The following CNTNAP2 variants were observed in gnomAD, a reference collection of about 807,000 sequenced individuals.
CNTNAP2 encodes the protein contactin associated protein 2.
A neutral mutation model predicts 155.2 loss-of-function variants in CNTNAP2; 98 were observed. The ratio of observed to expected loss-of-function variants is 0.63; its 90% CI spans 0.54 to 0.75. The LOEUF is 0.75. CNTNAP2 is among the 30% of genes least tolerant of loss of function. The pLI is 0.00. For missense variants in CNTNAP2, 1,727 were observed against 1,688.1 expected, an observed-to-expected ratio of 1.02 and a Z score of -0.40; for synonymous variants, 651 against 631.2, an observed-to-expected ratio of 1.03 and a Z score of -0.47.
chr7:146,366,353 A>G (rs1265639598), intron 1 of CNTNAP2, among the ~76,000 whole-genome samples: 1 of 152,162 alleles, frequency 6.6e-6, no homozygotes, highest in African/African-American at 2.4e-5. Context: ...ACATTTTTCT[A>G]ATCAAGTATA....
intron 1 of CNTNAP2, among the ~76,000 whole-genome samples, chr7:146,653,566 G>A (rs1205848944): frequency 2.0e-5 from 3 of 152,186 alleles, no homozygotes; most frequent in South Asian, 2.1e-4. Flanking sequence ...TTTTGGAAAA[G>A]GAATGTTACA....
At chr7:148,339,656 C>T (rs1468047755) in intron 21 of CNTNAP2, 1 of 152,294 alleles carries the variant, frequency 6.6e-6, no homozygotes, top group Non-Finnish European at 1.5e-5. Flanking sequence ...CGCGGGCTGG[C>T]TCCCACATGG....
intron 4 of CNTNAP2, among the ~76,000 whole-genome samples, chr7:147,084,836 T>C (rs1387118898): frequency 1.3e-5 from 2 of 148,574 alleles, no homozygotes; most frequent in Non-Finnish European, 3.0e-5. Flanking sequence ...TTTATATATA[T>C]GCTATGTATA....
At chr7:147,280,750 T>C (rs1272772133) in intron 8 of CNTNAP2, among the ~76,000 whole-genome samples, 1 of 151,972 alleles carries the variant, frequency 6.6e-6, no homozygotes, top group Non-Finnish European at 1.5e-5. Flanking sequence ...TGATGTACTA[T>C]ATTTCTACCA....
intron 1 of CNTNAP2, among the ~76,000 whole-genome samples, chr7:146,181,719 C>T (rs1389650817): frequency 6.6e-6 from 1 of 152,104 alleles, no homozygotes; most frequent in Non-Finnish European, 1.5e-5. Flanking sequence ...GTTTCTGTAA[C>T]TCAAGGTTTT....
At chr7:146,864,075 C>A (rs1228571986) in intron 3 of CNTNAP2, among the ~76,000 whole-genome samples, 2 of 151,906 alleles carry the variant, frequency 1.3e-5, no homozygotes, top group Non-Finnish European at 2.9e-5. Flanking sequence ...ATGTACCTTT[C>A]TATATGTATA....
At chr7:147,049,432 A>C (rs764143308) in intron 4 of CNTNAP2, among the ~76,000 whole-genome samples, 4 of 152,236 alleles carry the variant, frequency 2.6e-5, no homozygotes, top group Non-Finnish European at 5.9e-5. Flanking sequence ...AGTTCAAACT[A>C]GAATGAGTCC....
At chr7:147,977,642 T>A (rs1003170004) in intron 14 of CNTNAP2, among the ~76,000 whole-genome samples, 11 of 152,106 alleles carry the variant, frequency 7.2e-5, no homozygotes, top group Non-Finnish European at 1.3e-4. Context: ...AGGGTGTCGC[T>A]TCTGTTTTCC....
chr7:146,343,515 A>G (rs1377402781), intron 1 of CNTNAP2, among the ~76,000 whole-genome samples: 1 of 152,212 alleles, frequency 6.6e-6, no homozygotes, highest in East Asian at 1.9e-4. Context: ...AAACTAAAGT[A>G]TATGGCAAAA....
chr7:148,026,753 G>T (rs1364796428), intron 15 of CNTNAP2, among the ~76,000 whole-genome samples: 3 of 152,122 alleles, frequency 2.0e-5, no homozygotes, highest in Non-Finnish European at 4.4e-5. Flanking sequence ...TCCAATAAAA[G>T]TTAGAACCCT....
chr7:146,606,901 C>T (rs2129153149), intron 1 of CNTNAP2, among the ~76,000 whole-genome samples: 1 of 152,248 alleles, frequency 6.6e-6, no homozygotes, highest in Non-Finnish European at 1.5e-5. Flanking sequence ...CTCTGTTTGG[C>T]ATTACAGAAA....
intron 1 of CNTNAP2, among the ~76,000 whole-genome samples, chr7:146,454,069 A>G (rs558090643): frequency 1.3e-5 from 2 of 152,344 alleles, no homozygotes; most frequent in East Asian, 3.9e-4. Flanking sequence ...AAAGTACATC[A>G]TTATCAAATT....
At chr7:148,321,320 T>G (rs891625048) in intron 21 of CNTNAP2, among the ~76,000 whole-genome samples, 3 of 152,198 alleles carry the variant, frequency 2.0e-5, no homozygotes, top group Non-Finnish European at 2.9e-5. Context: ...CAAAAAAACC[T>G]TCAAAGCAGC....
chr7:147,737,460 C>T lies in CNTNAP2; in HGVS notation c.2098+98154C>T, dbSNP rs57163289. ...TGGGGGGTGCCTCCCAGTTTGGCTA[C>T]TCCTGGGTCAGGGACCCACTTGAGG... On this transcript the variant is annotated intron_variant, in intron 13 of 23. Coordinates refer to ENST00000361727, the MANE Select transcript of CNTNAP2 (RefSeq NM_014141.6). 6.5e-3 allele frequency among the ~76,000 whole-genome samples: 995 copies of T among 152,258 alleles called. 10 individuals are homozygous for T. The highest frequency in any genetic ancestry group is 0.023 in the African/African-American group (954 of 41,550).
chr7:147,873,924 A>T (rs1279578111), intron 13 of CNTNAP2, among the ~76,000 whole-genome samples: 1 of 152,182 alleles, frequency 6.6e-6, no homozygotes, highest in Non-Finnish European at 1.5e-5. Context: ...GCTCCATGCA[A>T]GTCCAAAATT....
chr7:147,059,777 G>A (rs571013893), intron 4 of CNTNAP2, among the ~76,000 whole-genome samples: 7 of 152,216 alleles, frequency 4.6e-5, no homozygotes, highest in African/African-American at 1.7e-4. Context: ...CGAAGTTGAA[G>A]AAGTGAATTA....
rs575216597 is a variant in CNTNAP2 at position 146,801,817 on chromosome 7, A to T, written c.208+27436A>T. Among the ~76,000 whole-genome samples the T allele has an allele frequency of 1.1e-4, 17 of 152,310 alleles. 2 individuals carry two copies. The South Asian group carries it at 1.7e-3, about 15-fold the overall frequency. ...CAAATAGCAGATACGGTGAATTTTA[A>T]ATGCTTCATGGTAAAGAGAATAGAG... On this transcript the variant is annotated intron_variant, in intron 2 of 23. Coordinates refer to ENST00000361727, the MANE Select transcript of CNTNAP2 (RefSeq NM_014141.6).
At chr7:147,176,959 T>TTATAATTCTATATATAAAATTATAGA (rs1162865204) in intron 8 of CNTNAP2, among the ~76,000 whole-genome samples, 15 of 136,750 alleles carry the variant, frequency 1.1e-4, no homozygotes, top group Admixed American at 2.3e-4. Flanking sequence ...CTAAATATAA[T>TTATAATTCTATATATAAAATTATAGA]TATAATTCTA....
At chr7:148,089,073 A>G (rs1448302613) in intron 15 of CNTNAP2, among the ~76,000 whole-genome samples, 8 of 152,080 alleles carry the variant, frequency 5.3e-5, no homozygotes, top group Non-Finnish European at 1.0e-4. Context: ...ATCTCAATAG[A>G]TGCAGAAAAG....
Sources: allele counts gnomAD v4.1 joint callset (sites outside exome capture counted in the v4.1 genomes callset), GRCh38; gene constraint gnomAD v4.1.1; transcripts MANE v1.5; gene names NCBI Gene and HGNC (gene_info 2026-07-23, HGNC 2026-07-21).